The following AKT2 variants were observed in gnomAD, a reference collection of about 807,000 sequenced individuals.
The protein encoded by AKT2 is RAC-beta serine/threonine-protein kinase.
AKT2 carries 16 observed loss-of-function variants against 58.6 expected under a neutral mutation model. The ratio of observed to expected loss-of-function variants is 0.27; its 90% confidence interval spans 0.18 to 0.41. The LOEUF is 0.41. AKT2 is among the 10% of genes least tolerant of loss of function. The pLI is 1.00. For synonymous variants in AKT2, 253 were observed against 254.0 expected (o/e 1.00, Z 0.04); for missense variants, 438 against 661.0 (o/e 0.66, Z 3.70).
rs567191801 is a variant in AKT2 at position 40,246,917 on chromosome 19, G to A, written c.288-4230C>T. On this transcript the variant is annotated intron_variant, in intron 4 of 13. Transcript: ENST00000392038. ...GCTAAGAGGTTGGCGGGCTGTCGGC[G>A]CAGAGCACCGCGCGCAGGGCGGGGT... 9.8e-5 allele frequency among the ~76,000 whole-genome samples: 15 copies of A among 152,334 alleles called. No individual in the cohort carries two copies. The South Asian group carries it at 1.4e-3, about 15-fold the overall frequency.
chr19:40,236,562 C>T, intron 9 of AKT2, 177 bp from the exon 10 acceptor site: 1 of 827,922 alleles, frequency 1.2e-6, no homozygotes, highest in Non-Finnish European at 1.9e-6. Context: ...ATCCAACCCT[C>T]CTCACCCTCT....
intron 7 of AKT2, chr19:40,239,581 A>G: frequency 2.9e-6 from 1 of 345,854 alleles, no homozygotes; most frequent in South Asian, 2.3e-5. Context: ...AGCCATCCTC[A>G]ATCTAGTCCA....
intron 1 of AKT2, among the ~76,000 whole-genome samples, chr19:40,283,469 C>A (rs149907975): frequency 3.3e-4 from 50 of 152,306 alleles, no homozygotes; most frequent in African/African-American, 1.1e-3. Flanking sequence ...CCAGGAACCA[C>A]GAGCCACGGA....
In AKT2 at chr19:40,234,923, G is replaced by A; in HGVS notation, c.1366+122C>T. The A allele has an allele frequency of 1.1e-6, 1 of 949,114 alleles. No individual in the cohort carries two copies. Among genetic ancestry groups the A allele is most frequent in the Non-Finnish European group, 1.7e-6 (1 of 599,340 alleles). The allele number at this position is 949,114 out of a possible 1,614,324, so 58.8% of individuals were successfully genotyped here. ...CAAAAGGGCCTGAGAGCAGACTTGG[G>A]GAAATCTCCCAGACATGAAGCGGGG... On this transcript the variant is annotated intron_variant, in intron 13 of 13. Transcript: ENST00000392038. The surrounding 1 kb of genome is among the most constrained non-coding windows in gnomAD (Gnocchi z 4.7).
intron 1 of AKT2, among the ~76,000 whole-genome samples, chr19:40,277,599 T>TAC (rs1188989104): frequency 2.0e-5 from 3 of 152,174 alleles, no homozygotes; most frequent in African/African-American, 7.2e-5. Context: ...CGGCTCCAGC[T>TAC]ACATGGGCCT....
intron 1 of AKT2, among the ~76,000 whole-genome samples, chr19:40,281,869 G>A (rs1419485762): frequency 6.6e-6 from 1 of 152,212 alleles, no homozygotes; most frequent in African/African-American, 2.4e-5. Flanking sequence ...GAACAGTTAT[G>A]AATGCTTCCC....
At chr19:40,260,779 G>T (rs367845561) in intron 2 of AKT2, among the ~76,000 whole-genome samples, 2 of 151,252 alleles carry the variant, frequency 1.3e-5, no homozygotes, top group Non-Finnish European at 2.9e-5. Flanking sequence ...CTACATAGAG[G>T]AACCTCAAAA....
In AKT2 at chr19:40,269,067, C is replaced by T. The variant is rs150654486; in HGVS notation, c.-84-3716G>A. The stretch of plus-strand genomic sequence containing the variant: ...GGTGGAGGTTGTGGAGAGCCAAGAT[C>T]GCGCCATTGCACTCCAGCCTGGGCA... On this transcript the variant is annotated intron_variant, in intron 1 of 13. Coordinates refer to ENST00000392038, the MANE Select transcript of AKT2 (RefSeq NM_001626.6). 1,227 of 152,796 alleles carry T rather than the reference C, an allele frequency of 8.0e-3. 7 individuals carry two copies. The highest frequency in any genetic ancestry group is 0.016 in the Middle Eastern group (5 of 306). 9.5% of individuals were successfully genotyped at this position (152,796 alleles called of 1,614,324 possible). A position where few individuals can be genotyped will look rare whatever the true frequency, so the allele number is the denominator to read the frequency against.
rs550009403 is a variant in AKT2, at chr19:40,238,280, C to T, written c.709-189G>A. ...AGTGACACAGAGCTGGGGGGAAGGG[C>T]GAGGGTCTGCCAGGAGGCACCCATG... On this transcript the variant is annotated intron_variant, in intron 8 of 13. Coordinates refer to ENST00000392038, the MANE Select transcript of AKT2 (RefSeq NM_001626.6). This position sits in a 1 kb window ranked among gnomAD's most constrained non-coding sequence, Gnocchi z 5.1. Among the ~76,000 whole-genome samples the T allele has an allele frequency of 1.7e-4, 26 of 152,212 alleles. No individual in the cohort carries two copies. The highest frequency in any genetic ancestry group is 6.3e-4 in the African/African-American group (26 of 41,516).
chr19:40,242,820 G>C lies in AKT2; in HGVS notation c.288-133C>G. On this transcript the variant is annotated intron_variant, in intron 4 of 13. Transcript: ENST00000392038. The surrounding 1 kb of genome is among the most constrained non-coding windows in gnomAD (Gnocchi z 4.3). ...CACATAACCATGGGAATTTGGGCAA[G>C]ATCTGTCAGAACCAGAGAGAGCTGA... The C allele has an allele frequency of 2.0e-6, 2 of 1,012,412 alleles. No homozygotes were observed. The highest frequency in any genetic ancestry group is 2.8e-5 in the South Asian group (2 of 70,506). 62.7% of individuals were successfully genotyped at this position (1,012,412 alleles called of 1,614,324 possible). A position where few individuals can be genotyped will look rare whatever the true frequency, so the allele number is the denominator to read the frequency against.
chr19:40,265,142 G>A (rs1393643510), intron 2 of AKT2, 80 bp downstream of exon 2: 19 of 1,560,744 alleles, frequency 1.2e-5, no homozygotes, highest in Admixed American at 3.8e-5. Flanking sequence ...AAGACCCTCC[G>A]CCTCTGCCTC....
chr19:40,254,527 CAAA>C (rs746776836), intron 4 of AKT2, among the ~76,000 whole-genome samples: 4 of 125,468 alleles, frequency 3.2e-5, no homozygotes, highest in Admixed American at 8.0e-5. Context: ...GACTCTGTCT[CAAA>C]AAAAAAAAAA....
chr19:40,271,243 A>G (rs2077209391), intron 1 of AKT2, among the ~76,000 whole-genome samples: 1 of 147,606 alleles, frequency 6.8e-6, no homozygotes, highest in African/African-American at 2.5e-5. Context: ...ATATATATGT[A>G]TATATACACG....
intron 2 of AKT2, among the ~76,000 whole-genome samples, chr19:40,264,016 T>C (rs1429281882): frequency 6.6e-6 from 1 of 152,122 alleles, no homozygotes; most frequent in Non-Finnish European, 1.5e-5. Context: ...GAGACATGCA[T>C]GTCTGCCTGG....
At chr19:40,271,188 A>G (rs1233629808) in intron 1 of AKT2, among the ~76,000 whole-genome samples, 1 of 148,878 alleles carries the variant, frequency 6.7e-6, no homozygotes, top group Non-Finnish European at 1.5e-5. Flanking sequence ...AAAAAAAAAA[A>G]AAACATACGT....
intron 1 of AKT2, 64 bp downstream of exon 1, chr19:40,285,117 C>A (rs1265278799): frequency 1.3e-5 from 5 of 390,838 alleles, no homozygotes; most frequent in Non-Finnish European, 2.3e-5. Context: ...ATCGCGGCAC[C>A]GCGGGGGGCC....
At chr19:40,251,382 A>AT (rs1389603650) in intron 4 of AKT2, among the ~76,000 whole-genome samples, 2 of 152,160 alleles carry the variant, frequency 1.3e-5, no homozygotes, top group Non-Finnish European at 2.9e-5. Context: ...ATAAAACTTT[A>AT]TTTACAAAAA....
chr19:40,284,240 C>T (rs1197531369), intron 1 of AKT2, among the ~76,000 whole-genome samples: 1 of 152,164 alleles, frequency 6.6e-6, no homozygotes, highest in Non-Finnish European at 1.5e-5. Flanking sequence ...ACACTCCTTC[C>T]TCCCAAGTTT....
Position 40,242,465 on chromosome 19 carries a change from G to A in AKT2, c.441+69C>T. The A allele has an allele frequency of 6.2e-7, 1 of 1,602,508 alleles. No individual in the cohort carries two copies. The highest frequency in any genetic ancestry group is 1.7e-5 in the Admixed American group (1 of 60,020). On this transcript the variant is annotated intron_variant, in intron 5 of 13. Coordinates refer to ENST00000392038, the MANE Select transcript of AKT2 (RefSeq NM_001626.6). The surrounding 1 kb of genome is among the most constrained non-coding windows in gnomAD (Gnocchi z 4.3). ...CCTGAACTGTGTTATGGAAACCAAG[G>A]AGAGCAGGCCAGCACTGGGGGTGGG... is the stretch of plus-strand genomic sequence containing the variant.
Sources: gnomAD v4.1 joint callset for allele counts (sites outside exome capture counted in the v4.1 genomes callset) on GRCh38, gnomAD v4.1.1 for gene constraint, Gnocchi (gnomAD v3.1) non-coding constraint, MANE v1.5 for transcripts, NCBI Gene and HGNC (gene_info 2026-07-23, HGNC 2026-07-21) for gene names.